Variants in BORCS7 observed in about 807,000 individuals in gnomAD.
BORCS7 encodes BLOC-1-related complex subunit 7.
In BORCS7, 20 loss-of-function variants were observed where a neutral mutation model predicts 17.5. The ratio of observed to expected loss-of-function variants is 1.14; its 90% CI spans 0.80 to 1.66. BORCS7 has a LOEUF of 1.66. Among genes scored for constraint, BORCS7 ranks in the 40% most tolerant of loss-of-function variants. The pLI is 0.00. For missense variants in BORCS7, 122 were observed against 129.7 expected (o/e 0.94, Z 0.29); for synonymous variants, 57 against 49.8 (o/e 1.14, Z -0.61).
intron 1 of BORCS7, among the ~76,000 whole-genome samples, chr10:102,856,988 C>A (rs1306866139): frequency 6.6e-6 from 1 of 152,162 alleles, no homozygotes; most frequent in Non-Finnish European, 1.5e-5. Context: ...CTGCCTCATT[C>A]CCCACTCTAG....
rs550318492 is a variant in BORCS7, at chr10:102,858,446, T to C, written c.142-1886T>C. On this transcript the variant is annotated intron_variant, in intron 1 of 4. Coordinates refer to ENST00000339834, the MANE Select transcript of BORCS7 (RefSeq NM_001136200.2). ...GGGTGGATCACCTGAGGATGGGAGT[T>C]TGAGACCAGCCTGGCCAACACAGTG... is the stretch of plus-strand genomic sequence containing the variant. 1.2e-4 allele frequency among the ~76,000 whole-genome samples: 19 copies of C among 152,022 alleles called. No homozygotes were observed. The East Asian group carries it at 3.1e-3, about 25-fold the overall frequency.
At position 102,860,514 on chromosome 10, in the gene BORCS7, CAAT is replaced by C; in HGVS notation, c.227_229del (p.Ile76del). The C allele has an allele frequency of 6.2e-7, 1 of 1,612,942 alleles. No homozygotes were observed. Among genetic ancestry groups the C allele is most frequent in the Non-Finnish European group, 8.5e-7 (1 of 1,179,090 alleles). On this transcript the variant is annotated inframe_deletion, in exon 3 of 5. Transcript: ENST00000339834. ...TTTATGCAGAGTTTAAGGAAGATGG[CAAT>C]AATAACAACACATCTTCAATACCAG...
chr10:102,860,760 C>T, intron 3 of BORCS7: 2 of 608,966 alleles, frequency 3.3e-6, no homozygotes, highest in African/African-American at 1.8e-5. Flanking sequence ...TTATGAACCT[C>T]CCCATGTTAA....
chr10:102,863,042 G>A lies in BORCS7; in HGVS notation c.*118G>A, dbSNP rs1347935779. 1.9e-6 allele frequency: 2 copies of A among 1,036,136 alleles called. No homozygotes were observed. Among genetic ancestry groups the A allele is most frequent in the Non-Finnish European group, 3.0e-6 (2 of 673,496 alleles). The allele number at this position is 1,036,136 out of a possible 1,614,324, so 64.2% of individuals were successfully genotyped here. On this transcript the variant is annotated 3_prime_UTR_variant, in exon 5 of 5. Coordinates refer to ENST00000339834, the MANE Select transcript of BORCS7 (RefSeq NM_001136200.2). ...CTTCTCCAAAAGTTAAGTTAGAAAA[G>A]TTCTGTGTTAGGGCCGGGCGCGGTA...
chr10:102,858,990 G>T (rs1844471933), intron 1 of BORCS7, among the ~76,000 whole-genome samples: 1 of 151,716 alleles, frequency 6.6e-6, no homozygotes, highest in South Asian at 2.1e-4. Flanking sequence ...ATCTCTGTTG[G>T]TCTCTGCTTG....
At chr10:102,856,939 C>T (rs1250579887) in intron 1 of BORCS7, among the ~76,000 whole-genome samples, 1 of 152,138 alleles carries the variant, frequency 6.6e-6, no homozygotes, top group African/African-American at 2.4e-5. Context: ...ATCCTCATTC[C>T]TTGCTTAGAG....
At chr10:102,855,491 T>A (rs948681216) in intron 1 of BORCS7, among the ~76,000 whole-genome samples, 1 of 152,144 alleles carries the variant, frequency 6.6e-6, no homozygotes, top group African/African-American at 2.4e-5. Context: ...ATAGCTATTT[T>A]GTTTGATTAG....
In BORCS7 at chr10:102,860,481, C is replaced by G. The variant is rs756221713; in HGVS notation, c.205-17C>G. ...GGAAGTGGAAATGTTCTATTTCTCT[C>G]TCTCTTTTTTATGCAGAGTTTAAGG... On this transcript the variant is annotated splice_polypyrimidine_tract_variant and intron_variant, in intron 2 of 4. Coordinates refer to ENST00000339834, the MANE Select transcript of BORCS7 (RefSeq NM_001136200.2). 2 of 1,612,140 alleles carry G rather than the reference C, an allele frequency of 1.2e-6. No individual in the cohort carries two copies. The highest frequency in any genetic ancestry group is 3.3e-5 in the Admixed American group (2 of 60,000).
At chr10:102,856,985 A>G (rs924124455) in intron 1 of BORCS7, among the ~76,000 whole-genome samples, 2 of 152,104 alleles carry the variant, frequency 1.3e-5, no homozygotes, top group Admixed American at 6.6e-5. Flanking sequence ...TCTCTGCCTC[A>G]TTCCCCACTC....
Position 102,862,148 on chromosome 10 carries a change from T to G in BORCS7, c.249-12T>G. The G allele has an allele frequency of 6.2e-7, 1 of 1,604,992 alleles. No homozygotes were observed. The highest frequency in any genetic ancestry group is 8.5e-7 in the Non-Finnish European group (1 of 1,171,716). On this transcript the variant is annotated splice_polypyrimidine_tract_variant and intron_variant, in intron 3 of 4. Coordinates refer to ENST00000339834, the MANE Select transcript of BORCS7 (RefSeq NM_001136200.2). ...ACTTATGTGTATTTTCCTCTTTCCT[T>G]TTCTGATTTAGGCAAGAAGCTATTC...
intron 1 of BORCS7, 65 bp downstream of exon 1, chr10:102,854,492 GA>G (rs1352498093): frequency 2.0e-6 from 3 of 1,488,538 alleles, no homozygotes; most frequent in Non-Finnish European, 2.7e-6. Context: ...GTTGCTGTGG[GA>G]AGGAGGTCGC....
At chr10:102,858,190 TAG>T (rs531916354) in intron 1 of BORCS7, among the ~76,000 whole-genome samples, 2,097 of 134,924 alleles carry the variant, frequency 0.016, 66 homozygotes, top group African/African-American at 0.042. Flanking sequence ...TATATATATA[TAG>T]AGAGAGAGAG....
At chr10:102,862,806 T>C (rs1844541009) in intron 4 of BORCS7, 67 bp from the exon 5 acceptor site, 1 of 1,449,282 alleles carries the variant, frequency 6.9e-7, no homozygotes, top group Non-Finnish European at 9.7e-7. Flanking sequence ...AATTTGTAAA[T>C]AGTTGTACAA....
chr10:102,862,801 G>T, intron 4 of BORCS7, 72 bp from the exon 5 acceptor site: 2 of 1,425,328 alleles, frequency 1.4e-6, no homozygotes, highest in Non-Finnish European at 2.0e-6. Flanking sequence ...AAAAAAATTT[G>T]TAAATAGTTG....
chr10:102,861,550 C>CT (rs1464763924), intron 3 of BORCS7, among the ~76,000 whole-genome samples: 1 of 151,756 alleles, frequency 6.6e-6, no homozygotes, highest in Non-Finnish European at 1.5e-5. Flanking sequence ...AACCCCGTCT[C>CT]TACTAAAAAT....
chr10:102,859,430 C>T (rs900747388), intron 1 of BORCS7, among the ~76,000 whole-genome samples: 19 of 151,832 alleles, frequency 1.3e-4, no homozygotes, highest in Non-Finnish European at 5.9e-5. Flanking sequence ...TGAGCCACCG[C>T]ACCTGGCCAT....
At chr10:102,858,184 T>TAG (rs1564786344) in intron 1 of BORCS7, among the ~76,000 whole-genome samples, 191 of 107,244 alleles carry the variant, frequency 1.8e-3, no homozygotes, top group African/African-American at 6.2e-3. Flanking sequence ...AAAATATATA[T>TAG]ATATATAGAG....
At position 102,859,570 on chromosome 10, in the gene BORCS7, C is replaced by CTT. The variant is rs570995629; in HGVS notation, c.142-750_142-749dup. Among the ~76,000 whole-genome samples, 27 of 136,504 alleles carry CTT rather than the reference C, an allele frequency of 2.0e-4. 1 individual carries two copies. Among genetic ancestry groups the CTT allele is most frequent in the Admixed American group, 1.4e-3 (19 of 13,384 alleles). The allele number at this position is 136,504 out of a possible 152,430, so 89.6% of individuals were successfully genotyped here. On this transcript the variant is annotated intron_variant, in intron 1 of 4. Transcript: ENST00000339834. ...GTTTCTCTTATTCCATTTTTTTTTT[C>CTT]TTTTTTTTTTTTTGAGACAGGGTCT...
intron 2 of BORCS7, 43 bp from the exon 3 acceptor site, chr10:102,860,455 G>A: frequency 6.2e-7 from 1 of 1,610,280 alleles, no homozygotes; most frequent in Non-Finnish European, 8.5e-7. Context: ...TGTGGCCACA[G>A]GGAAGTGGAA....
Sources: allele counts gnomAD v4.1 joint callset (sites outside exome capture counted in the v4.1 genomes callset), GRCh38; gene constraint gnomAD v4.1.1; transcripts MANE v1.5; gene names NCBI Gene and HGNC (gene_info 2026-07-23, HGNC 2026-07-21).